The following ADGRB3 variants were observed in gnomAD, a reference collection of about 807,000 sequenced individuals.
The protein encoded by ADGRB3 is adhesion G protein-coupled receptor B3.
In ADGRB3, 37 loss-of-function variants were observed where a neutral mutation model predicts 193.4. The observed-to-expected ratio is 0.19, with a 90% CI of 0.15 to 0.25. The LOEUF (loss-of-function observed/expected upper bound fraction) is 0.25. ADGRB3 is among the 10% of genes least tolerant of loss of function. The pLI, the probability that ADGRB3 is intolerant of heterozygous loss-of-function variation, is 1.00. For missense variants in ADGRB3, 1,637 were observed against 1,852.9 expected, an observed-to-expected ratio of 0.88 and a Z score of 2.14; for synonymous variants, 690 against 644.2, an observed-to-expected ratio of 1.07 and a Z score of -1.08.
chr6:68,964,242 A>G (rs954542071), intron 8 of ADGRB3, among the ~76,000 whole-genome samples: 1 of 152,152 alleles, frequency 6.6e-6, no homozygotes, highest in African/African-American at 2.4e-5. Context: ...ATGTTTCTAT[A>G]GCGAGTTGTT....
chr6:68,654,887 A>G (rs755520455), intron 3 of ADGRB3, among the ~76,000 whole-genome samples: 3 of 151,868 alleles, frequency 2.0e-5, no homozygotes, highest in Non-Finnish European at 4.4e-5. Context: ...TCAGTATTCT[A>G]CGAATCTTTC....
At chr6:69,338,325 A>G (rs1027966923) in intron 24 of ADGRB3, among the ~76,000 whole-genome samples, 1 of 152,198 alleles carries the variant, frequency 6.6e-6, no homozygotes, top group African/African-American at 2.4e-5. Flanking sequence ...TATTTCATCA[A>G]ATTTCATCAG....
chr6:68,961,879 A>G lies in ADGRB3; in HGVS notation c.1525+5070A>G, dbSNP rs116887209. On this transcript the variant is annotated intron_variant, in intron 8 of 31. Transcript: ENST00000370598. ...ACAAATAGTACTTTTTAAAGCTCCT[A>G]TTCCTTTGGAATTTATATTATTTTC... Among the ~76,000 whole-genome samples, 6 of 152,258 alleles carry G rather than the reference A, an allele frequency of 3.9e-5. No individual in the cohort carries two copies. The East Asian group carries it at 9.7e-4, about 25-fold the overall frequency.
intron 19 of ADGRB3, among the ~76,000 whole-genome samples, chr6:69,237,936 AAGTT>A (rs1286182332): frequency 2.6e-5 from 4 of 152,196 alleles, no homozygotes; most frequent in Non-Finnish European, 4.4e-5. Flanking sequence ...GATTTGATCT[AAGTT>A]AGTCCCATTT....
intron 20 of ADGRB3, among the ~76,000 whole-genome samples, chr6:69,297,340 ATCTC>A (rs386407481): frequency 6.2e-4 from 69 of 111,932 alleles, no homozygotes; most frequent in African/African-American, 1.8e-3. Flanking sequence ...TTCTACTGAT[ATCTC>A]TCTCTCTCTC....
chr6:69,248,689 T>C lies in ADGRB3; in HGVS notation c.2814+9463T>C, dbSNP rs551806277. ...TGCTGTTGTTGCTAGAAAACAGTTA[T>C]AGAAATAAAGCAATGGATGTGACTG... On this transcript the variant is annotated intron_variant, in intron 20 of 31. Transcript: ENST00000370598. Among the ~76,000 whole-genome samples, 48 of 152,336 alleles carry C rather than the reference T, an allele frequency of 3.2e-4. 2 individuals are homozygous for C. The South Asian group carries it at 7.7e-3, about 24-fold the overall frequency.
chr6:69,033,156 A>G (rs905339529), intron 13 of ADGRB3, among the ~76,000 whole-genome samples: 1 of 152,174 alleles, frequency 6.6e-6, no homozygotes. Flanking sequence ...AATCTAGAAA[A>G]CAATATGTGC....
intron 11 of ADGRB3, among the ~76,000 whole-genome samples, chr6:69,010,052 G>T (rs1389192726): frequency 6.6e-6 from 1 of 151,872 alleles, no homozygotes; most frequent in Admixed American, 6.6e-5. Flanking sequence ...CAAATCTAGG[G>T]CCTCTACTTT....
chr6:68,662,679 T>C (rs888807701), intron 3 of ADGRB3, among the ~76,000 whole-genome samples: 8 of 151,538 alleles, frequency 5.3e-5, no homozygotes, highest in African/African-American at 1.9e-4. Flanking sequence ...AAAATTCATC[T>C]GCTATAGAAA....
intron 17 of ADGRB3, among the ~76,000 whole-genome samples, chr6:69,127,990 ATCTC>A (rs1773904124): frequency 6.6e-6 from 1 of 152,032 alleles, no homozygotes; most frequent in Non-Finnish European, 1.5e-5. Context: ...CACTAAAGCC[ATCTC>A]TCTCGAGAGA....
At chr6:69,355,903 C>G in intron 28 of ADGRB3, 43 bp downstream of exon 28, 1 of 1,450,370 alleles carries the variant, frequency 6.9e-7, no homozygotes, top group Non-Finnish European at 9.6e-7. Flanking sequence ...TAGGGATGTT[C>G]AATCATTTCT....
intron 3 of ADGRB3, among the ~76,000 whole-genome samples, chr6:68,660,198 A>G (rs1182118671): frequency 6.6e-6 from 1 of 150,460 alleles, no homozygotes; most frequent in Non-Finnish European, 1.5e-5. Context: ...CTAGGCTCAC[A>G]ACTTTTCAGA....
intron 3 of ADGRB3, among the ~76,000 whole-genome samples, chr6:68,672,018 C>T (rs1337892957): frequency 6.6e-6 from 1 of 151,784 alleles, no homozygotes; most frequent in African/African-American, 2.4e-5. Flanking sequence ...TAGGAATTTG[C>T]CATTTATTCT....
chr6:69,190,315 G>A (rs1345054535), intron 17 of ADGRB3, among the ~76,000 whole-genome samples: 1 of 151,990 alleles, frequency 6.6e-6, no homozygotes, highest in Non-Finnish European at 1.5e-5. Context: ...TAATACTGAC[G>A]ATCCCGACCC....
chr6:69,335,461 C>A (rs1379877001), intron 24 of ADGRB3, among the ~76,000 whole-genome samples: 2 of 152,036 alleles, frequency 1.3e-5, no homozygotes, highest in African/African-American at 4.8e-5. Context: ...TGGCTACTGT[C>A]CAAAGCAGAA....
intron 3 of ADGRB3, among the ~76,000 whole-genome samples, chr6:68,726,588 A>G (rs1421744553): frequency 2.0e-5 from 3 of 151,640 alleles, no homozygotes; most frequent in African/African-American, 7.3e-5. Flanking sequence ...TGGACAGGGC[A>G]CAGAAAATCC....
At chr6:68,730,148 A>G (rs1364335978) in intron 3 of ADGRB3, among the ~76,000 whole-genome samples, 2 of 151,702 alleles carry the variant, frequency 1.3e-5, no homozygotes, top group East Asian at 3.9e-4. Context: ...TCAGATGAAT[A>G]CTTAAATTCT....
intron 17 of ADGRB3, among the ~76,000 whole-genome samples, chr6:69,160,996 A>G (rs539686110): frequency 2.0e-5 from 3 of 152,188 alleles, no homozygotes; most frequent in East Asian, 1.9e-4. Context: ...TCTTAATTTT[A>G]CCAGTTACTA....
chr6:69,320,865 T>C (rs1419590185), intron 20 of ADGRB3, among the ~76,000 whole-genome samples: 1 of 129,260 alleles, frequency 7.7e-6, no homozygotes. Flanking sequence ...ATCTTTAGTC[T>C]CTCCTACGCC....
Sources: gnomAD v4.1 joint callset for allele counts (sites outside exome capture counted in the v4.1 genomes callset) on GRCh38, gnomAD v4.1.1 for gene constraint, MANE v1.5 for transcripts, NCBI Gene and HGNC (gene_info 2026-07-23, HGNC 2026-07-21) for gene names.